RAB38: variants seen among roughly 807,000 people sequenced by gnomAD.
The protein encoded by RAB38 is RAB38, member RAS oncogene family.
Under a neutral mutation model 18.4 loss-of-function variants are expected in RAB38, and 15 were observed. The observed-to-expected ratio is 0.82, with a 90% confidence interval of 0.55 to 1.26. The LOEUF is 1.26. Ranked by LOEUF, RAB38 falls within the 50% of genes most tolerant of loss-of-function variation. RAB38 has a pLI of 0.00. For missense variants in RAB38, 294 were observed against 267.4 expected, an observed-to-expected ratio of 1.10 and a Z score of -0.69; for synonymous variants, 101 against 104.4, an observed-to-expected ratio of 0.97 and a Z score of 0.20.
the RAB38 span, among the ~76,000 whole-genome samples, chr11:87,871,656 G>GA: frequency 6.6e-6 from 1 of 151,446 alleles, no homozygotes; most frequent in Non-Finnish European, 1.5e-5. Context: ...CAATATCCTG[G>GA]AAAAATGCTT....
the RAB38 span, among the ~76,000 whole-genome samples, chr11:88,070,033 T>G: frequency 1.3e-5 from 2 of 152,076 alleles, no homozygotes; most frequent in South Asian, 4.2e-4. Flanking sequence ...GCTGTCCGAG[T>G]CAGCAGAGGC....
the RAB38 span, among the ~76,000 whole-genome samples, chr11:87,888,682 C>G: frequency 6.6e-6 from 1 of 151,898 alleles, no homozygotes; most frequent in African/African-American, 2.4e-5. Flanking sequence ...TTCCACACTG[C>G]TGGAAACATG....
At chr11:88,162,032 A>C (rs1220804049) in intron 1 of RAB38, among the ~76,000 whole-genome samples, 1 of 152,034 alleles carries the variant, frequency 6.6e-6, no homozygotes, top group Non-Finnish European at 1.5e-5. Context: ...ATCAAACTAT[A>C]ATTGCTGCAA....
chr11:87,864,390 T>C, the RAB38 span, among the ~76,000 whole-genome samples: 1 of 151,140 alleles, frequency 6.6e-6, no homozygotes, highest in African/African-American at 2.4e-5. Flanking sequence ...GCCTACTCAA[T>C]ACATGTACAT....
chr11:87,847,155 A>G, the RAB38 span, among the ~76,000 whole-genome samples: 2 of 152,040 alleles, frequency 1.3e-5, no homozygotes, highest in African/African-American at 2.4e-5. Context: ...TTTTATAAAG[A>G]AAACCCAGAA....
At chr11:87,955,504 ATAAAAGT>A in the RAB38 span, among the ~76,000 whole-genome samples, 1 of 152,160 alleles carries the variant, frequency 6.6e-6, no homozygotes, top group African/African-American at 2.4e-5. Flanking sequence ...TGAATCTAAA[ATAAAAGT>A]TAAAATTATT....
chr11:87,901,526 C>T, the RAB38 span, among the ~76,000 whole-genome samples: 1 of 151,512 alleles, frequency 6.6e-6, no homozygotes, highest in Non-Finnish European at 1.5e-5. Flanking sequence ...TAAACATCAG[C>T]CTGAAGGCAC....
At chr11:87,911,193 G>A in the RAB38 span, among the ~76,000 whole-genome samples, 7 of 151,984 alleles carry the variant, frequency 4.6e-5, no homozygotes, top group African/African-American at 1.7e-4. Flanking sequence ...AGTCTTAAAA[G>A]TTGGTTGGTG....
chr11:87,953,985 T>C, the RAB38 span, among the ~76,000 whole-genome samples: 2 of 152,132 alleles, frequency 1.3e-5, no homozygotes, highest in Admixed American at 6.5e-5. Flanking sequence ...AGGAAAGACA[T>C]TCCAGCAGGA....
At chr11:87,947,438 G>T in the RAB38 span, among the ~76,000 whole-genome samples, 3 of 152,226 alleles carry the variant, frequency 2.0e-5, no homozygotes, top group South Asian at 6.2e-4. Context: ...ATTGCTTTTG[G>T]TGTTTTAGAC....
the RAB38 span, among the ~76,000 whole-genome samples, chr11:88,064,973 T>C: frequency 5.2e-4 from 79 of 152,350 alleles, no homozygotes; most frequent in African/African-American, 1.9e-3. Context: ...CAGAGATCTG[T>C]ATCTGGAAAA....
chr11:87,819,841 G>T, the RAB38 span, among the ~76,000 whole-genome samples: 1 of 150,860 alleles, frequency 6.6e-6, no homozygotes, highest in South Asian at 2.1e-4. Context: ...TCCAGGCACT[G>T]AAATGAAAAA....
chr11:88,141,210 T>C (rs1206837030), intron 2 of RAB38, among the ~76,000 whole-genome samples: 1 of 152,164 alleles, frequency 6.6e-6, no homozygotes, highest in Non-Finnish European at 1.5e-5. Context: ...GACATATTTT[T>C]TGATCACTGT....
chr11:87,957,055 G>C, the RAB38 span, among the ~76,000 whole-genome samples: 33 of 152,010 alleles, frequency 2.2e-4, no homozygotes, highest in South Asian at 6.9e-3. Context: ...TCAATTGGCT[G>C]TGCTTTTCTC....
the RAB38 span, among the ~76,000 whole-genome samples, chr11:87,974,554 G>A: frequency 6.6e-6 from 1 of 151,512 alleles, no homozygotes; most frequent in African/African-American, 2.4e-5. Flanking sequence ...GAATAATTCA[G>A]GAGAAAAAAA....
At chr11:87,827,760 A>G in the RAB38 span, among the ~76,000 whole-genome samples, 1 of 152,216 alleles carries the variant, frequency 6.6e-6, no homozygotes, top group Admixed American at 6.6e-5. Context: ...GACAAAACTC[A>G]TCAGCACACT....
chr11:88,062,441 C>G, the RAB38 span, among the ~76,000 whole-genome samples: 6,254 of 152,244 alleles, frequency 0.041, 204 homozygotes, highest in Middle Eastern at 0.11. Context: ...ATAAATTACC[C>G]AGTCTTGGGT....
the RAB38 span, among the ~76,000 whole-genome samples, chr11:87,884,697 A>T: frequency 6.6e-6 from 1 of 151,952 alleles, no homozygotes; most frequent in African/African-American, 2.4e-5. Context: ...TTTAGTCTCT[A>T]TGACTAGATG....
the RAB38 span, among the ~76,000 whole-genome samples, chr11:88,089,180 G>T: frequency 1.3e-5 from 2 of 151,548 alleles, no homozygotes; most frequent in African/African-American, 4.8e-5. Flanking sequence ...GCATGTCAGG[G>T]GCTCTCATCT....
Sources: allele counts gnomAD v4.1 joint callset (sites outside exome capture counted in the v4.1 genomes callset), GRCh38; gene constraint gnomAD v4.1.1; transcripts MANE v1.5; gene names NCBI Gene and HGNC (gene_info 2026-07-23, HGNC 2026-07-21).